Variants in FHIT observed in about 807,000 individuals in gnomAD.
FHIT encodes fragile histidine triad diadenosine triphosphatase.
FHIT carries 19 observed loss-of-function variants against 17.9 expected under a neutral mutation model. The observed-to-expected ratio is 1.06, with a 90% confidence interval of 0.74 to 1.56. The LOEUF is 1.56. FHIT is among the 40% of genes most tolerant of loss of function. FHIT has a pLI of 0.00. For missense variants in FHIT, 248 were observed against 189.2 expected (o/e 1.31, Z -1.82); for synonymous variants, 81 against 69.7 (o/e 1.16, Z -0.81).
chr3:60,133,625 G>A (rs1226968874), intron 5 of FHIT, among the ~76,000 whole-genome samples: 2 of 151,920 alleles, frequency 1.3e-5, no homozygotes, highest in Admixed American at 6.6e-5. Context: ...GGGGACCAGG[G>A]GGCAGAGTCA....
At chr3:59,806,508 C>T (rs1700202101) in intron 8 of FHIT, among the ~76,000 whole-genome samples, 1 of 152,038 alleles carries the variant, frequency 6.6e-6, no homozygotes, top group Non-Finnish European at 1.5e-5. Context: ...CTTCTAGATC[C>T]CCAGCGGCAA....
At chr3:59,983,559 G>A (rs1280223775) in intron 7 of FHIT, among the ~76,000 whole-genome samples, 1 of 152,056 alleles carries the variant, frequency 6.6e-6, no homozygotes, top group Non-Finnish European at 1.5e-5. Flanking sequence ...TGTACATATA[G>A]GAAAAAACAG....
chr3:60,812,427 G>T (rs1009779444), intron 4 of FHIT, among the ~76,000 whole-genome samples: 2 of 151,958 alleles, frequency 1.3e-5, no homozygotes, highest in Non-Finnish European at 2.9e-5. Flanking sequence ...CCCAAAGTGG[G>T]ATTACAGGCA....
At chr3:60,730,105 G>T (rs2041997694) in intron 4 of FHIT, 3 of 513,494 alleles carry the variant, frequency 5.8e-6, no homozygotes, top group Admixed American at 2.1e-5. Flanking sequence ...GTGTCCCAAT[G>T]TCATGGCAAT....
intron 7 of FHIT, among the ~76,000 whole-genome samples, chr3:60,005,561 C>A (rs1246908034): frequency 2.0e-5 from 3 of 152,280 alleles, no homozygotes; most frequent in Admixed American, 6.5e-5. Context: ...AAACCCATCC[C>A]CCTGAGCACT....
intron 5 of FHIT, among the ~76,000 whole-genome samples, chr3:60,435,285 G>C (rs1208586615): frequency 6.6e-6 from 1 of 152,112 alleles, no homozygotes; most frequent in African/African-American, 2.4e-5. Context: ...AACATTACTA[G>C]GGAGTCTAAC....
At chr3:60,485,420 T>C (rs187774859) in intron 5 of FHIT, among the ~76,000 whole-genome samples, 202 of 152,238 alleles carry the variant, frequency 1.3e-3, no homozygotes, top group African/African-American at 4.7e-3. Flanking sequence ...CCATCAATGA[T>C]AGACTGGATA....
intron 5 of FHIT, among the ~76,000 whole-genome samples, chr3:60,467,836 G>A (rs1170341086): frequency 6.6e-6 from 1 of 152,102 alleles, no homozygotes; most frequent in East Asian, 1.9e-4. Context: ...CATTTGGTCT[G>A]TACTGCAGAT....
At chr3:60,712,434 T>C (rs2107939228) in intron 4 of FHIT, among the ~76,000 whole-genome samples, 2 of 151,842 alleles carry the variant, frequency 1.3e-5, no homozygotes, top group African/African-American at 4.8e-5. Flanking sequence ...CAATATTAAC[T>C]ATAAATGTAA....
intron 5 of FHIT, among the ~76,000 whole-genome samples, chr3:60,104,632 A>C (rs1704332726): frequency 6.6e-6 from 1 of 152,270 alleles, no homozygotes; most frequent in Middle Eastern, 3.4e-3. Flanking sequence ...TCAGATGAAA[A>C]TAACAATGAA....
chr3:59,928,705 A>C (rs1705795854), intron 7 of FHIT, among the ~76,000 whole-genome samples: 1 of 152,230 alleles, frequency 6.6e-6, no homozygotes, highest in Admixed American at 6.5e-5. Context: ...TGTAATAAAA[A>C]GGACAGATAG....
At chr3:60,757,112 T>C (rs1207779675) in intron 4 of FHIT, among the ~76,000 whole-genome samples, 5 of 152,234 alleles carry the variant, frequency 3.3e-5, no homozygotes, top group African/African-American at 1.2e-4. Context: ...GTATGTGTTA[T>C]TAATATATTT....
intron 1 of FHIT, among the ~76,000 whole-genome samples, chr3:61,213,489 C>A (rs1412770992): frequency 6.6e-6 from 1 of 152,182 alleles, no homozygotes; most frequent in Non-Finnish European, 1.5e-5. Context: ...AATACAGGAG[C>A]ACCCAGATTC....
chr3:60,998,291 A>T (rs2030816561), intron 3 of FHIT, among the ~76,000 whole-genome samples: 1 of 152,204 alleles, frequency 6.6e-6, no homozygotes, highest in Non-Finnish European at 1.5e-5. Context: ...TTCAAGAGCA[A>T]CATTTTTTAA....
At chr3:60,245,105 C>A (rs370672398) in intron 5 of FHIT, among the ~76,000 whole-genome samples, 19 of 152,040 alleles carry the variant, frequency 1.2e-4, no homozygotes, top group African/African-American at 4.3e-4. Flanking sequence ...GCAGTCAGAT[C>A]CCCTAGGATA....
Position 60,179,456 on chromosome 3 carries a change from T to C in FHIT, c.104-165304A>G, listed in dbSNP as rs934687734. 2.0e-5 allele frequency among the ~76,000 whole-genome samples: 3 copies of C among 152,226 alleles called. No individual in the cohort carries two copies. In the East Asian group the frequency reaches 5.8e-4, roughly 29 times the overall value. On this transcript the variant is annotated intron_variant, in intron 5 of 9. Transcript: ENST00000492590. ...TTCCTTCTGTTTCCAGTTGTCTGCT[T>C]AGTATAATGAAATTAAACCATTAAA... is the stretch of plus-strand genomic sequence containing the variant.
chr3:60,613,580 C>T (rs1186796633), intron 4 of FHIT, among the ~76,000 whole-genome samples: 1 of 151,984 alleles, frequency 6.6e-6, no homozygotes, highest in African/African-American at 2.4e-5. Context: ...CCAGCCCTTC[C>T]CTCCTTCCTA....
At chr3:60,466,695 C>A (rs1178411248) in intron 5 of FHIT, among the ~76,000 whole-genome samples, 1 of 151,864 alleles carries the variant, frequency 6.6e-6, no homozygotes, top group African/African-American at 2.4e-5. Flanking sequence ...GTTGAACCAT[C>A]CTTGCGTAAC....
chr3:60,443,117 T>C (rs2031040760), intron 5 of FHIT, among the ~76,000 whole-genome samples: 1 of 152,210 alleles, frequency 6.6e-6, no homozygotes, highest in Admixed American at 6.5e-5. Flanking sequence ...TTTTGTACAT[T>C]GATTTTGTAT....
Sources: allele counts gnomAD v4.1 joint callset (sites outside exome capture counted in the v4.1 genomes callset), GRCh38; gene constraint gnomAD v4.1.1; transcripts MANE v1.5; gene names NCBI Gene and HGNC (gene_info 2026-07-23, HGNC 2026-07-21).